The following FER variants were observed in gnomAD, a reference collection of about 807,000 sequenced individuals.
The protein encoded by FER is tyrosine-protein kinase Fer.
A neutral mutation model predicts 111.0 loss-of-function variants in FER; 63 were observed. The observed-to-expected ratio is 0.57, with a 90% CI of 0.46 to 0.70. The LOEUF (loss-of-function observed/expected upper bound fraction) is 0.70. Among genes scored for constraint, FER ranks in the 30% least tolerant of loss-of-function variants. FER has a pLI of 0.00. For synonymous variants in FER, 327 were observed against 313.9 expected (o/e 1.04, Z -0.44); for missense variants, 914 against 954.0 (o/e 0.96, Z 0.55).
intron 13 of FER, among the ~76,000 whole-genome samples, chr5:108,977,857 CTTT>C (rs1448400072): frequency 6.6e-6 from 1 of 152,024 alleles, no homozygotes; most frequent in African/African-American, 2.4e-5. Flanking sequence ...TCTTCTCTCT[CTTT>C]TGTTTAGATG....
intron 13 of FER, among the ~76,000 whole-genome samples, chr5:109,014,600 T>C (rs2149812170): frequency 6.6e-6 from 1 of 152,280 alleles, no homozygotes; most frequent in Non-Finnish European, 1.5e-5. Context: ...TTGAAGTAGT[T>C]TTTTCCAATT....
rs188251276 is a variant in FER at position 109,111,890 on chromosome 5, C to T, written c.2048+11371C>T. ...ATGAGATTAGGGTGGGGAAACATAGCGACACCATAAGAAATTCTTGCATAA... is the reference window on the plus strand; with the variant it reads ...ATGAGATTAGGGTGGGGAAACATAGTGACACCATAAGAAATTCTTGCATAA... On this transcript the variant is annotated intron_variant, in intron 17 of 19. Transcript: ENST00000281092. Among the ~76,000 whole-genome samples the T allele has an allele frequency of 1.6e-3, 238 of 152,150 alleles. 1 individual carries two copies. The highest frequency in any genetic ancestry group is 4.4e-3 in the African/African-American group (184 of 41,526).
chr5:109,100,270 G>T, intron 16 of FER, 126 bp from the exon 17 acceptor site: 1 of 1,091,162 alleles, frequency 9.2e-7, no homozygotes, highest in Non-Finnish European at 1.3e-6. Context: ...AAACAAATTG[G>T]GCAAAAAGCA....
At chr5:109,031,890 C>G (rs1028406802) in intron 13 of FER, among the ~76,000 whole-genome samples, 2 of 152,124 alleles carry the variant, frequency 1.3e-5, no homozygotes, top group Non-Finnish European at 2.9e-5. Flanking sequence ...ACATTTTGAA[C>G]AGAGTGTAAT....
At chr5:108,871,527 A>G (rs771159093) in intron 7 of FER, 25 bp downstream of exon 7, 1 of 1,550,756 alleles carries the variant, frequency 6.4e-7, no homozygotes, top group Non-Finnish European at 8.8e-7. Context: ...TTCCTCTTTA[A>G]GGATTTATGA....
At chr5:109,171,990 G>T (rs1433789735) in intron 17 of FER, among the ~76,000 whole-genome samples, 1 of 152,158 alleles carries the variant, frequency 6.6e-6, no homozygotes, top group Non-Finnish European at 1.5e-5. Context: ...AACAACAGGT[G>T]CTGGAGAGGA....
At chr5:108,884,967 A>T (rs921654102) in intron 9 of FER, among the ~76,000 whole-genome samples, 2 of 151,880 alleles carry the variant, frequency 1.3e-5, no homozygotes, top group African/African-American at 4.8e-5. Context: ...TGGCCTTTGG[A>T]ACTCAAAATG....
At chr5:108,919,767 ACAAT>A (rs534462648) in intron 10 of FER, among the ~76,000 whole-genome samples, 30 of 152,290 alleles carry the variant, frequency 2.0e-4, no homozygotes, top group African/African-American at 6.3e-4. Context: ...TCTATTTTAT[ACAAT>A]CAGTGTTGCA....
At chr5:108,997,660 G>T (rs1424022363) in intron 13 of FER, among the ~76,000 whole-genome samples, 1 of 152,152 alleles carries the variant, frequency 6.6e-6, no homozygotes, top group African/African-American at 2.4e-5. Flanking sequence ...CCGGTGCTGT[G>T]CTGGGAGATC....
intron 2 of FER, among the ~76,000 whole-genome samples, chr5:108,795,611 ATTCTTTC>A (rs1002078209): frequency 6.6e-6 from 1 of 151,896 alleles, no homozygotes; most frequent in Non-Finnish European, 1.5e-5. Flanking sequence ...AAGCTCACTA[ATTCTTTC>A]TTCTGCTTCA....
At chr5:109,020,549 A>G (rs1397441624) in intron 13 of FER, among the ~76,000 whole-genome samples, 2 of 152,056 alleles carry the variant, frequency 1.3e-5, no homozygotes, top group East Asian at 1.9e-4. Flanking sequence ...GTTTCCTTCT[A>G]TATGACTTGG....
rs1759195799 is a variant in FER at position 109,189,264 on chromosome 5, AAT to A, written c.*1692_*1693del. 6.6e-6 allele frequency: 1 copy of A among 152,174 alleles called. No individual in the cohort carries two copies. Among genetic ancestry groups the A allele is most frequent in the Non-Finnish European group, 1.5e-5 (1 of 68,044 alleles). 9.4% of individuals were successfully genotyped at this position (152,174 alleles called of 1,614,324 possible). A position where few individuals can be genotyped will look rare whatever the true frequency, so the allele number is the denominator to read the frequency against. On this transcript the variant is annotated 3_prime_UTR_variant, in exon 20 of 20. Transcript: ENST00000281092. ...TAGAAGATGGTCATGCTCAGGGCTAAATATGTTCTGGAAGCCTTTTATAAGTT... is the reference window on the plus strand; with the variant it reads ...TAGAAGATGGTCATGCTCAGGGCTAAATGTTCTGGAAGCCTTTTATAAGTT...
intron 14 of FER, among the ~76,000 whole-genome samples, chr5:109,038,716 G>A (rs1012179473): frequency 8.6e-5 from 13 of 151,390 alleles, no homozygotes; most frequent in Non-Finnish European, 1.3e-4. Context: ...AGCAGTGACT[G>A]GGCCAAAAAA....
At position 108,959,246 on chromosome 5, in the gene FER, A is replaced by G. The variant is rs775003000; in HGVS notation, c.1555A>G (p.Thr519Ala). 5.6e-6 allele frequency: 9 copies of G among 1,611,520 alleles called. No individual in the cohort carries two copies. Among genetic ancestry groups the G allele is most frequent in the Non-Finnish European group, 5.1e-6 (6 of 1,178,538 alleles). The change falls in exon 13 of 20, where the codon ACT (threonine) becomes GCT (alanine). Residue 519 changes from threonine to alanine, a missense_variant. Transcript: ENST00000281092. ...CCAGAACATGTATCGATTCGAGGGC[A>G]CTGGGTTTTCAAACATTCCTCAACT... ...YVDNMYRFEG[T>A]GFSNIPQLID...
At chr5:109,106,675 G>T (rs889966972) in intron 17 of FER, among the ~76,000 whole-genome samples, 1 of 152,086 alleles carries the variant, frequency 6.6e-6, no homozygotes, top group Non-Finnish European at 1.5e-5. Flanking sequence ...ATCATACAAA[G>T]ATAATGTAAG....
intron 17 of FER, among the ~76,000 whole-genome samples, chr5:109,139,892 A>T (rs1183474620): frequency 6.6e-6 from 1 of 152,174 alleles, no homozygotes; most frequent in Admixed American, 6.6e-5. Flanking sequence ...ATGGATTGCA[A>T]TAAAAAAAAA....
At chr5:109,028,488 A>G (rs1043075263) in intron 13 of FER, among the ~76,000 whole-genome samples, 15 of 152,172 alleles carry the variant, frequency 9.9e-5, no homozygotes, top group Non-Finnish European at 1.3e-4. Context: ...AAATTACTCT[A>G]TTTTGGGTAA....
At chr5:109,173,512 G>A (rs576737041) in intron 17 of FER, among the ~76,000 whole-genome samples, 10 of 152,310 alleles carry the variant, frequency 6.6e-5, no homozygotes, top group African/African-American at 2.4e-4. Context: ...AGTTATGTCT[G>A]CATTGTTGTC....
At chr5:109,028,180 A>G (rs1190664110) in intron 13 of FER, among the ~76,000 whole-genome samples, 5 of 152,230 alleles carry the variant, frequency 3.3e-5, no homozygotes, top group Non-Finnish European at 7.3e-5. Flanking sequence ...TTATATTGAC[A>G]TACTTGATTA....
Sources: allele counts gnomAD v4.1 joint callset (sites outside exome capture counted in the v4.1 genomes callset), GRCh38; gene constraint gnomAD v4.1.1; transcripts MANE v1.5; gene names NCBI Gene and HGNC (gene_info 2026-07-23, HGNC 2026-07-21).